Variants in RAB3D observed in about 807,000 individuals in gnomAD.
The protein encoded by RAB3D is RAB3D, member RAS oncogene family.
In RAB3D, 17 loss-of-function variants were observed where a neutral mutation model predicts 19.3. The observed-to-expected ratio is 0.88, with a 90% CI of 0.60 to 1.32. The LOEUF is 1.32. RAB3D is among the 40% of genes most tolerant of loss of function. The probability of loss-of-function intolerance (pLI) is 0.00; values close to 1 mark genes in which losing one functional copy is unlikely to be tolerated. For missense variants in RAB3D, 223 were observed against 299.1 expected, an observed-to-expected ratio of 0.75 and a Z score of 1.88; for synonymous variants, 103 against 119.9, an observed-to-expected ratio of 0.86 and a Z score of 0.92.
chr19:11,337,732 G>A (rs1405114344), intron 1 of RAB3D, among the ~76,000 whole-genome samples: 4 of 151,022 alleles, frequency 2.6e-5, no homozygotes, highest in East Asian at 1.9e-4. Context: ...GCGCAGTGGC[G>A]TGATCATAGC....
intron 1 of RAB3D, among the ~76,000 whole-genome samples, chr19:11,338,893 AGCTGTCTAT>A (rs1370407346): frequency 1.3e-5 from 2 of 152,206 alleles, no homozygotes; most frequent in Non-Finnish European, 2.9e-5. Context: ...CAGTTTCCCC[AGCTGTCTAT>A]GGCCGCTGCG....
intron 2 of RAB3D, among the ~76,000 whole-genome samples, chr19:11,336,327 T>C (rs1012942794): frequency 6.6e-6 from 1 of 152,060 alleles, no homozygotes; most frequent in Non-Finnish European, 1.5e-5. Context: ...CTTTTTTTAA[T>C]AGATGGGGTC....
chr19:11,332,135 T>A (rs448743), intron 4 of RAB3D, among the ~76,000 whole-genome samples: 1 of 152,066 alleles, frequency 6.6e-6, no homozygotes, highest in Non-Finnish European at 1.5e-5. Flanking sequence ...TGGGTTCAAG[T>A]GATTCTCCTC....
At chr19:11,328,040 T>C (rs2080821742) in intron 4 of RAB3D, among the ~76,000 whole-genome samples, 1 of 150,950 alleles carries the variant, frequency 6.6e-6, no homozygotes, top group Admixed American at 6.6e-5. Flanking sequence ...CTAAAGAAAA[T>C]ATAAAAATTA....
chr19:11,326,961 G>C, intron 4 of RAB3D: 2 of 492,156 alleles, frequency 4.1e-6, no homozygotes, highest in East Asian at 3.5e-5. Flanking sequence ...AGCTGTCCCT[G>C]AATCTCCATG....
chr19:11,330,875 G>T (rs541429932), intron 4 of RAB3D, among the ~76,000 whole-genome samples: 3 of 152,026 alleles, frequency 2.0e-5, no homozygotes, highest in Admixed American at 6.6e-5. Context: ...AATTAGGCAG[G>T]TGTGGTGGAG....
intron 4 of RAB3D, among the ~76,000 whole-genome samples, chr19:11,327,797 A>C (rs2080820938): frequency 6.6e-6 from 1 of 152,170 alleles, no homozygotes; most frequent in South Asian, 2.1e-4. Context: ...AGAGTTCAAG[A>C]CCAGCCTGGG....
intron 1 of RAB3D, among the ~76,000 whole-genome samples, chr19:11,338,710 G>A (rs564122976): frequency 1.3e-5 from 2 of 152,136 alleles, no homozygotes; most frequent in Non-Finnish European, 2.9e-5. Context: ...CCAAGGAAAC[G>A]ATCCCAGCCA....
chr19:11,329,444 C>A (rs2147967744), intron 4 of RAB3D, among the ~76,000 whole-genome samples: 1 of 151,526 alleles, frequency 6.6e-6, no homozygotes, highest in East Asian at 2.0e-4. Context: ...CCCATCTCTA[C>A]TAAAAATACA....
At chr19:11,331,396 T>C (rs1348668003) in intron 4 of RAB3D, among the ~76,000 whole-genome samples, 1 of 151,534 alleles carries the variant, frequency 6.6e-6, no homozygotes, top group African/African-American at 2.4e-5. Flanking sequence ...CATATTATTT[T>C]TTTTCAACCA....
At chr19:11,338,750 C>A (rs1966921442) in intron 1 of RAB3D, among the ~76,000 whole-genome samples, 1 of 152,114 alleles carries the variant, frequency 6.6e-6, no homozygotes, top group Non-Finnish European at 1.5e-5. Flanking sequence ...CCACCACGAC[C>A]ACTGCCGCCC....
chr19:11,339,048 T>C (rs143987318), intron 1 of RAB3D, among the ~76,000 whole-genome samples: 14 of 152,284 alleles, frequency 9.2e-5, no homozygotes, highest in African/African-American at 3.4e-4. Context: ...CCCCACCCCG[T>C]GTTCCAGGAG....
At chr19:11,334,454 G>A (rs1056254437) in intron 4 of RAB3D, among the ~76,000 whole-genome samples, 1 of 152,050 alleles carries the variant, frequency 6.6e-6, no homozygotes, top group South Asian at 2.1e-4. Context: ...GGGCAACAGA[G>A]GGAGACTCCA....
intron 4 of RAB3D, among the ~76,000 whole-genome samples, chr19:11,330,848 CA>C (rs34663558): frequency 1.3e-5 from 2 of 151,562 alleles, no homozygotes; most frequent in Non-Finnish European, 2.9e-5. Context: ...CTGCGCCCGG[CA>C]AAAAAATTTT....
At position 11,335,589 on chromosome 19, in the gene RAB3D, G is replaced by T. The variant is rs2080849751; in HGVS notation, c.348-18C>A. ...GCGTGGCCCTGCAGAGTTACCAGTGGTGAGCCATGAGCCGGGGGGGTTAGG... is the reference window on the plus strand; with the variant it reads ...GCGTGGCCCTGCAGAGTTACCAGTGTTGAGCCATGAGCCGGGGGGGTTAGG... On this transcript the variant is annotated intron_variant, in intron 3 of 4. Transcript: ENST00000222120. The T allele has an allele frequency of 1.2e-6, 2 of 1,614,006 alleles. No individual in the cohort carries two copies. The highest frequency in any genetic ancestry group is 4.5e-5 in the East Asian group (2 of 44,880).
chr19:11,335,639 G>A (rs1347603611), intron 3 of RAB3D, 26 bp downstream of exon 3: 1 of 1,613,374 alleles, frequency 6.2e-7, no homozygotes, highest in Admixed American at 1.7e-5. Flanking sequence ...GCAAAGATCA[G>A]GGGTCCATGA....
intron 1 of RAB3D, 92 bp downstream of exon 1, chr19:11,339,377 T>C (rs1966928773): frequency 6.6e-6 from 1 of 152,442 alleles, no homozygotes; most frequent in African/African-American, 2.4e-5. Context: ...AGTGCCCAGC[T>C]GGGTGGGGGC....
Position 11,337,180 on chromosome 19 carries a change from G to A in RAB3D, c.220C>T (p.Gln74Ter), listed in dbSNP as rs1397945806. ...CCAGCCTCCCAGCCTACCCAGATCT[G>A]CAGCTTGATCCTCTTGTCATGGCGG... ...VYRHDKRIKL[Q>*]IWDTAGQERY... Residue 74 changes from glutamine (Q) to a stop codon, truncating the protein, a stop_gained, in exon 2 of 5, where the codon CAG becomes TAG. Transcript: ENST00000222120. LOFTEE classifies it high-confidence loss of function. The A allele has an allele frequency of 1.9e-6, 3 of 1,613,678 alleles. No homozygotes were observed. The highest frequency in any genetic ancestry group is 2.2e-5 in the East Asian group (1 of 44,874).
chr19:11,333,639 C>A (rs1211070052), intron 4 of RAB3D, among the ~76,000 whole-genome samples: 1 of 151,184 alleles, frequency 6.6e-6, no homozygotes, highest in Non-Finnish European at 1.5e-5. Flanking sequence ...TTGGATGGGG[C>A]TTATGGGAAA....
Sources: allele counts gnomAD v4.1 joint callset (sites outside exome capture counted in the v4.1 genomes callset), GRCh38; gene constraint gnomAD v4.1.1; transcripts MANE v1.5; gene names NCBI Gene and HGNC (gene_info 2026-07-23, HGNC 2026-07-21).